Variants in PPL observed in about 807,000 individuals in gnomAD.
The protein encoded by PPL is periplakin.
Under a neutral mutation model 194.4 loss-of-function variants are expected in PPL, and 198 were observed. The ratio of observed to expected loss-of-function variants is 1.02; its 90% confidence interval spans 0.91 to 1.15. The LOEUF is 1.15. PPL is among the 50% of genes most tolerant of loss of function. The pLI, the probability that PPL is intolerant of heterozygous loss-of-function variation, is 0.00. For synonymous variants in PPL, 1,220 were observed against 972.4 expected, an observed-to-expected ratio of 1.25 and a Z score of -4.74; for missense variants, 2,885 against 2,294.8, an observed-to-expected ratio of 1.26 and a Z score of -5.25.
chr16:4,883,214 C>A lies in PPL; in HGVS notation c.*170G>T. On this transcript the variant is annotated 3_prime_UTR_variant, in exon 22 of 22. Coordinates refer to ENST00000345988, the MANE Select transcript of PPL (RefSeq NM_002705.5). This position sits in a 1 kb window ranked among gnomAD's most constrained non-coding sequence, Gnocchi z 4.8. The stretch of plus-strand genomic sequence containing the variant: ...GGTTGGGACGAGAGTTGCCTGTCTT[C>A]AGCCAGTGCCTGTCTCATATGTGGG... 1 of 828,502 alleles carries A rather than the reference C, an allele frequency of 1.2e-6. No homozygotes were observed. Among genetic ancestry groups the A allele is most frequent in the Non-Finnish European group, 1.9e-6 (1 of 532,168 alleles). The allele number at this position is 828,502 out of a possible 1,614,324, so 51.3% of individuals were successfully genotyped here.
chr16:4,893,002 C>T, intron 14 of PPL: 1 of 576,938 alleles, frequency 1.7e-6, no homozygotes, highest in South Asian at 3.1e-5. Context: ...AGGAACAATG[C>T]AAGTCCTGCC....
At chr16:4,932,267 G>T (rs896259008) in intron 1 of PPL, among the ~76,000 whole-genome samples, 6 of 30,974 alleles carry the variant, frequency 1.9e-4, no homozygotes, top group Non-Finnish European at 7.5e-4. Context: ...GAGAAATGGC[G>T]GGGCGGCTCT....
At chr16:4,912,833 G>A (rs2088844670) in intron 1 of PPL, among the ~76,000 whole-genome samples, 1 of 152,208 alleles carries the variant, frequency 6.6e-6, no homozygotes, top group African/African-American at 2.4e-5. Flanking sequence ...GCCCGGTGTG[G>A]TGGCTCATAC....
intron 1 of PPL, among the ~76,000 whole-genome samples, chr16:4,927,616 T>C (rs532485846): frequency 2.0e-5 from 3 of 152,374 alleles, no homozygotes; most frequent in South Asian, 4.1e-4. Flanking sequence ...GATTGGTCAA[T>C]TGACTGATTC....
chr16:4,889,013 A>C lies in PPL; in HGVS notation c.2362T>G (p.Cys788Gly), dbSNP rs748465168. Residue 788 changes from cysteine (C) to glycine (G), a missense_variant, in exon 19 of 22, where the codon TGT becomes GGT. Cys to Gly is a radical substitution (Grantham distance 159, BLOSUM62 -3). Coordinates refer to ENST00000345988, the MANE Select transcript of PPL (RefSeq NM_002705.5). ...TGCTGGTACTGCTGGGAATTGGCAC[A>C]GATCTTCTGTACTTCCTGCTCCCTA... ...ASREQEVQKI[C>G]ANSQQYQQAV... is the part of the protein sequence containing the mutation. The C allele has an allele frequency of 6.2e-7, 1 of 1,613,752 alleles. No individual in the cohort carries two copies. The highest frequency in any genetic ancestry group is 8.5e-7 in the Non-Finnish European group (1 of 1,179,908).
In PPL at chr16:4,892,016, C is replaced by T. The variant is rs937021119; in HGVS notation, c.1829+19G>A. Reference sequence around the variant, plus strand: ...CCCTGACCCCACCCCAACCTCCATGCTGCCTGTCTGCCACCCACTTCTCCT... The same window carrying T: ...CCCTGACCCCACCCCAACCTCCATGTTGCCTGTCTGCCACCCACTTCTCCT... On this transcript the variant is annotated intron_variant, in intron 15 of 21. Coordinates refer to ENST00000345988, the MANE Select transcript of PPL (RefSeq NM_002705.5). 1 of 1,611,824 alleles carries T rather than the reference C, an allele frequency of 6.2e-7. No homozygotes were observed. The highest frequency in any genetic ancestry group is 8.5e-7 in the Non-Finnish European group (1 of 1,178,716).
rs1209645319 is a variant in PPL at position 4,902,068 on chromosome 16, A to C, written c.438+338T>G. 6.6e-6 allele frequency among the ~76,000 whole-genome samples: 1 copy of C among 152,272 alleles called. No homozygotes were observed. The highest frequency in any genetic ancestry group is 1.5e-5 in the Non-Finnish European group (1 of 68,056). On this transcript the variant is annotated intron_variant, in intron 4 of 21. Coordinates refer to ENST00000345988, the MANE Select transcript of PPL (RefSeq NM_002705.5). This position sits in a 1 kb window ranked among gnomAD's most constrained non-coding sequence, Gnocchi z 4.0. ...GTGAGCACCCAGGAAAGGGAGCGAC[A>C]GGCCAGAAGCCTGGCCGCTTCCGCC...
Position 4,884,108 on chromosome 16 carries a change from A to G in PPL, c.4547T>C (p.Ile1516Thr). ...QVEKGDTEQE[I>T]QRLKSSLEEE... ...CTCCAGGCTGCTCTTGAGCCTCTGG[A>G]TCTCTTGCTCGGTGTCGCCCTTCTC... is the stretch of plus-strand genomic sequence containing the variant. Residue 1516 changes from isoleucine (I) to threonine (T), a missense_variant, in exon 22 of 22, where the codon ATC becomes ACC. Ile to Thr is a moderately conservative substitution (Grantham distance 89). Coordinates refer to ENST00000345988, the MANE Select transcript of PPL (RefSeq NM_002705.5). The surrounding 1 kb of genome is among the most constrained non-coding windows in gnomAD (Gnocchi z 5.7). The G allele has an allele frequency of 2.5e-6, 4 of 1,611,682 alleles. No individual in the cohort carries two copies. Among genetic ancestry groups the G allele is most frequent in the Non-Finnish European group, 3.4e-6 (4 of 1,179,492 alleles).
intron 20 of PPL, 46 bp from the exon 21 acceptor site, chr16:4,887,273 CA>C: frequency 7.1e-7 from 1 of 1,402,230 alleles, no homozygotes; most frequent in Non-Finnish European, 1.0e-6. Flanking sequence ...CAGGTGTCAA[CA>C]GGGTAAGCAA....
At chr16:4,923,918 G>A (rs2089103883) in intron 1 of PPL, among the ~76,000 whole-genome samples, 1 of 152,194 alleles carries the variant, frequency 6.6e-6, no homozygotes, top group African/African-American at 2.4e-5. Context: ...TGCCATGTCC[G>A]TAGCGCCCAT....
At chr16:4,889,978 G>C (rs2088288835) in intron 18 of PPL, among the ~76,000 whole-genome samples, 1 of 152,264 alleles carries the variant, frequency 6.6e-6, no homozygotes, top group Non-Finnish European at 1.5e-5. Flanking sequence ...GGGGCACTGA[G>C]CTGGGAGAGG....
At chr16:4,930,970 G>C (rs2089218520) in intron 1 of PPL, among the ~76,000 whole-genome samples, 2 of 152,196 alleles carry the variant, frequency 1.3e-5, no homozygotes, top group South Asian at 4.1e-4. Context: ...GCCATGGGGA[G>C]AAGGGACTGG....
chr16:4,911,802 T>C (rs139409467), intron 1 of PPL, among the ~76,000 whole-genome samples: 1,649 of 152,186 alleles, frequency 0.011, 37 homozygotes, highest in African/African-American at 0.037. Context: ...ACTCCCAAAG[T>C]GCTGGGATTA....
chr16:4,911,521 GTTCATTCA>G (rs148372670), intron 1 of PPL, among the ~76,000 whole-genome samples: 14,898 of 151,746 alleles, frequency 0.098, 984 homozygotes, highest in East Asian at 0.28. Flanking sequence ...TCATTCATTC[GTTCATTCA>G]TTCATTCATT....
intron 1 of PPL, among the ~76,000 whole-genome samples, chr16:4,920,168 C>T (rs2089008024): frequency 6.6e-6 from 1 of 151,380 alleles, no homozygotes; most frequent in Non-Finnish European, 1.5e-5. Context: ...CCTGTAGTCC[C>T]AGCTACTTGG....
intron 11 of PPL, among the ~76,000 whole-genome samples, chr16:4,895,002 A>G (rs1330543316): frequency 6.6e-6 from 1 of 152,172 alleles, no homozygotes; most frequent in East Asian, 1.9e-4. Flanking sequence ...CGTGACTCAC[A>G]GTGAGCCAAT....
intron 8 of PPL, 26 bp downstream of exon 8, chr16:4,898,987 G>A (rs1348022207): frequency 2.5e-6 from 4 of 1,599,652 alleles, no homozygotes; most frequent in Non-Finnish European, 2.6e-6. Flanking sequence ...CCCTGGGGGA[G>A]GTGTCTGGTC....
chr16:4,892,088 G>A lies in PPL; in HGVS notation c.1776C>T (p.Asp592=), dbSNP rs1356618697. Residue 592 remains aspartate, a synonymous_variant, in exon 15 of 22, where the codon GAC becomes GAT. Coordinates refer to ENST00000345988, the MANE Select transcript of PPL (RefSeq NM_002705.5). ...TTPLLRTRVE[D]TNRKYEHLLQ... ...GGAGGTGCTCGTATTTCCGGTTGGTGTCCTCCACCCGGGTCCTCAGCAGGG... is the reference window on the plus strand; with the variant it reads ...GGAGGTGCTCGTATTTCCGGTTGGTATCCTCCACCCGGGTCCTCAGCAGGG... 1.9e-6 allele frequency: 3 copies of A among 1,613,708 alleles called. No homozygotes were observed. The highest frequency in any genetic ancestry group is 8.5e-7 in the Non-Finnish European group (1 of 1,180,016).
At chr16:4,918,010 C>T (rs1022130682) in intron 1 of PPL, among the ~76,000 whole-genome samples, 39 of 148,750 alleles carry the variant, frequency 2.6e-4, no homozygotes, top group Non-Finnish European at 4.5e-5. Flanking sequence ...ACAAAAAAGG[C>T]AGCTGGGCAT....
Sources: allele counts gnomAD v4.1 joint callset (sites outside exome capture counted in the v4.1 genomes callset), GRCh38; gene constraint gnomAD v4.1.1; non-coding constraint Gnocchi (gnomAD v3.1); transcripts MANE v1.5; gene names NCBI Gene and HGNC (gene_info 2026-07-23, HGNC 2026-07-21).